The following NOX4 variants were observed in gnomAD, a reference collection of about 807,000 sequenced individuals.
NOX4 encodes NADPH oxidase 4, also known as kidney oxidase-1.
In NOX4, 69 loss-of-function variants were observed where a neutral mutation model predicts 87.6. That is an observed-to-expected ratio of 0.79 (90% CI 0.65 to 0.96). The LOEUF is 0.96. NOX4 is among the 40% of genes least tolerant of loss of function. The pLI is 0.00. For synonymous variants in NOX4, 275 were observed against 238.2 expected (o/e 1.15, Z -1.42); for missense variants, 680 against 681.5 (o/e 1.00, Z 0.02).
chr11:89,428,986 TA>T (rs781658804), intron 7 of NOX4, among the ~76,000 whole-genome samples: 2 of 152,070 alleles, frequency 1.3e-5, no homozygotes, highest in African/African-American at 2.4e-5. Context: ...TCAGCAAATG[TA>T]AAAGAACAGA....
At chr11:89,435,709 C>T (rs1001663540) in intron 6 of NOX4, among the ~76,000 whole-genome samples, 4 of 151,978 alleles carry the variant, frequency 2.6e-5, no homozygotes, top group Non-Finnish European at 1.5e-5. Flanking sequence ...AATAGAAGGG[C>T]CAGACGACCC....
At chr11:89,516,110 G>A in the NOX4 span, among the ~76,000 whole-genome samples, 1 of 151,182 alleles carries the variant, frequency 6.6e-6, no homozygotes, top group Admixed American at 6.6e-5. Context: ...TTAGATCTGA[G>A]TTGCCATATG....
rs1299536704 is a variant in NOX4 at position 89,421,993 on chromosome 11, A to T, written c.549-11T>A. On this transcript the variant is annotated splice_polypyrimidine_tract_variant and intron_variant, in intron 7 of 17. Transcript: ENST00000263317. ...TCATAGTTAGAAACTCTGCAAAAAC[A>T]AATACACTCATTTTAATGCTACTTT... The T allele has an allele frequency of 7.3e-7, 1 of 1,374,636 alleles. No homozygotes were observed. The highest frequency in any genetic ancestry group is 1.0e-6 in the Non-Finnish European group (1 of 996,946). The allele number at this position is 1,374,636 out of a possible 1,614,324, so 85.2% of individuals were successfully genotyped here. A position where few individuals can be genotyped will look rare whatever the true frequency, so the allele number is the denominator to read the frequency against.
At chr11:89,329,356 G>GAAAAAAA (rs377055666) in intron 17 of NOX4, among the ~76,000 whole-genome samples, 368 of 34,412 alleles carry the variant, frequency 0.011, no homozygotes, top group Middle Eastern at 0.019. Flanking sequence ...GAAAAAAACT[G>GAAAAAAA]AAAAAAAAAA....
intron 11 of NOX4, among the ~76,000 whole-genome samples, chr11:89,392,692 G>A (rs1166772421): frequency 6.6e-6 from 1 of 151,814 alleles, no homozygotes; most frequent in Admixed American, 6.6e-5. Context: ...ACTGTTATTT[G>A]GGCATTGATG....
At chr11:89,525,947 A>G in the NOX4 span, among the ~76,000 whole-genome samples, 2 of 152,116 alleles carry the variant, frequency 1.3e-5, no homozygotes, top group African/African-American at 2.4e-5. Flanking sequence ...TCAGTTTTAT[A>G]TAAATATTTG....
chr11:89,359,836 TC>T (rs1938379917), intron 12 of NOX4, among the ~76,000 whole-genome samples: 1 of 152,076 alleles, frequency 6.6e-6, no homozygotes. Flanking sequence ...ATAAAATATT[TC>T]TAAGAGAGAC....
At chr11:89,445,651 G>A (rs918444115) in intron 4 of NOX4, among the ~76,000 whole-genome samples, 1 of 152,014 alleles carries the variant, frequency 6.6e-6, no homozygotes, top group African/African-American at 2.4e-5. Context: ...CCTGAAACAA[G>A]GAAGCATTCA....
chr11:89,427,379 T>A (rs528853369), intron 7 of NOX4, among the ~76,000 whole-genome samples: 1 of 152,146 alleles, frequency 6.6e-6, no homozygotes, highest in Non-Finnish European at 1.5e-5. Flanking sequence ...CAAAGAATGA[T>A]TTTGACGAGT....
chr11:89,347,790 A>G (rs1299732171), intron 13 of NOX4, among the ~76,000 whole-genome samples: 1 of 152,220 alleles, frequency 6.6e-6, no homozygotes, highest in Non-Finnish European at 1.5e-5. Flanking sequence ...TTACCACAGT[A>G]CAAACCATTA....
At chr11:89,411,537 CT>C (rs1942477260) in intron 8 of NOX4, among the ~76,000 whole-genome samples, 1 of 152,166 alleles carries the variant, frequency 6.6e-6, no homozygotes, top group African/African-American at 2.4e-5. Flanking sequence ...TCACTACAAG[CT>C]GACTGAGGAG....
intron 7 of NOX4, among the ~76,000 whole-genome samples, chr11:89,429,268 A>C (rs550081443): frequency 6.6e-6 from 1 of 152,304 alleles, no homozygotes; most frequent in East Asian, 1.9e-4. Flanking sequence ...GAAAGATCTA[A>C]AATTGACACC....
chr11:89,432,898 T>C (rs1487629731), intron 6 of NOX4, 42 bp from the exon 7 acceptor site: 1 of 1,349,742 alleles, frequency 7.4e-7, no homozygotes. Context: ...TAAATCATAG[T>C]GAGAAAAAAA....
intron 12 of NOX4, among the ~76,000 whole-genome samples, chr11:89,368,390 G>T (rs183593966): frequency 2.6e-5 from 4 of 152,164 alleles, no homozygotes; most frequent in East Asian, 3.9e-4. Context: ...ATAAACCACA[G>T]AAATTTATTT....
chr11:89,383,940 C>A (rs1328069130), intron 11 of NOX4, among the ~76,000 whole-genome samples: 1 of 152,076 alleles, frequency 6.6e-6, no homozygotes, highest in Non-Finnish European at 1.5e-5. Flanking sequence ...CCATTAAAAC[C>A]TAATCACCTT....
At chr11:89,433,740 ATATGG>A (rs1186628709) in intron 6 of NOX4, among the ~76,000 whole-genome samples, 1 of 152,112 alleles carries the variant, frequency 6.6e-6, no homozygotes, top group Non-Finnish European at 1.5e-5. Flanking sequence ...AGTGCTTCAG[ATATGG>A]CATAACATTT....
chr11:89,398,744 T>A (rs1363622175), intron 11 of NOX4, among the ~76,000 whole-genome samples: 1 of 151,766 alleles, frequency 6.6e-6, no homozygotes, highest in African/African-American at 2.4e-5. Context: ...AAACATGTGG[T>A]CTCTGTTCTC....
intron 17 of NOX4, among the ~76,000 whole-genome samples, chr11:89,331,519 G>T (rs1357149974): frequency 6.6e-6 from 1 of 151,630 alleles, no homozygotes; most frequent in Non-Finnish European, 1.5e-5. Flanking sequence ...AATTACTATT[G>T]AAACATAATG....
intron 2 of NOX4, among the ~76,000 whole-genome samples, chr11:89,455,238 C>CTT (rs145468880): frequency 0.044 from 6,711 of 152,138 alleles, 447 homozygotes; most frequent in African/African-American, 0.15. Flanking sequence ...GTGTTTGTGT[C>CTT]ATAATACCTC....
Sources: gnomAD v4.1 joint callset for allele counts (sites outside exome capture counted in the v4.1 genomes callset) on GRCh38, gnomAD v4.1.1 for gene constraint, MANE v1.5 for transcripts, NCBI Gene and HGNC (gene_info 2026-07-23, HGNC 2026-07-21) for gene names.